Variants in KLRG1 observed in about 807,000 individuals in gnomAD.
The protein encoded by KLRG1 is killer cell lectin like receptor G1, also known as killer cell lectin-like receptor subfamily G member 1.
Under a neutral mutation model 21.8 loss-of-function variants are expected in KLRG1, and 16 were observed. The observed-to-expected ratio is 0.73, with a 90% CI of 0.50 to 1.11. KLRG1 has a LOEUF of 1.11. Ranked by LOEUF, KLRG1 falls within the 50% of genes most tolerant of loss-of-function variation. The pLI, the probability that KLRG1 is intolerant of heterozygous loss-of-function variation, is 0.00. For missense variants in KLRG1, 173 were observed against 218.3 expected (o/e 0.79, Z 1.31); for synonymous variants, 69 against 75.9 (o/e 0.91, Z 0.47).
the KLRG1 span, among the ~76,000 whole-genome samples, chr12:9,088,068 T>C: frequency 6.6e-6 from 1 of 152,074 alleles, no homozygotes; most frequent in East Asian, 1.9e-4. Context: ...CATAGGTAAA[T>C]CTCCAAGACA....
chr12:9,126,937 A>C, the KLRG1 span, among the ~76,000 whole-genome samples: 11 of 152,226 alleles, frequency 7.2e-5, no homozygotes, highest in African/African-American at 2.4e-4. Context: ...ATAACACAAG[A>C]GGGAAAATAC....
the KLRG1 span, among the ~76,000 whole-genome samples, chr12:9,120,456 A>G: frequency 1.3e-5 from 2 of 152,238 alleles, no homozygotes; most frequent in African/African-American, 4.8e-5. Flanking sequence ...TTGGGAAATG[A>G]GAGAAATTAG....
At chr12:9,196,323 A>G in the KLRG1 span, 3 of 1,587,470 alleles carry the variant, frequency 1.9e-6, no homozygotes, top group Non-Finnish European at 2.6e-6. Context: ...ATTACAACAT[A>G]TCTTACCTGT....
At chr12:9,083,287 G>A in the KLRG1 span, among the ~76,000 whole-genome samples, 3 of 151,952 alleles carry the variant, frequency 2.0e-5, no homozygotes, top group African/African-American at 7.3e-5. Context: ...TATAGCTAAT[G>A]TAAATGACGA....
the KLRG1 span, among the ~76,000 whole-genome samples, chr12:9,046,408 A>G: frequency 6.6e-6 from 1 of 152,252 alleles, no homozygotes; most frequent in African/African-American, 2.4e-5. Context: ...GGAAGTTCAG[A>G]GAACACCACA....
chr12:9,121,114 G>A, the KLRG1 span, among the ~76,000 whole-genome samples: 1 of 151,960 alleles, frequency 6.6e-6, no homozygotes, highest in Non-Finnish European at 1.5e-5. This position sits in a 1 kb window ranked among gnomAD's most constrained non-coding sequence, Gnocchi z 4.4. Flanking sequence ...TCAAAGTCCT[G>A]GCCTCACGGG....
At chr12:9,091,171 T>A in the KLRG1 span, 1 of 1,601,722 alleles carries the variant, frequency 6.2e-7, no homozygotes, top group Non-Finnish European at 8.6e-7. Context: ...GATGGCTACC[T>A]TGTATTTAAT....
At chr12:9,047,411 G>C in the KLRG1 span, among the ~76,000 whole-genome samples, 4 of 152,054 alleles carry the variant, frequency 2.6e-5, no homozygotes, top group African/African-American at 9.7e-5. Flanking sequence ...CACTGAAAAT[G>C]TTTTTTTGAA....
intron 1 of KLRG1, among the ~76,000 whole-genome samples, chr12:8,963,419 T>C (rs1946412523): frequency 6.6e-6 from 1 of 152,264 alleles, no homozygotes; most frequent in African/African-American, 2.4e-5. Context: ...TTTGATGTGC[T>C]GCTGGATTCG....
chr12:9,080,320 T>C, the KLRG1 span: 2 of 433,482 alleles, frequency 4.6e-6, no homozygotes, highest in Admixed American at 8.1e-5. Context: ...AACAGTAATA[T>C]ATAAATATCT....
At chr12:9,043,559 A>T in the KLRG1 span, among the ~76,000 whole-genome samples, 2 of 152,230 alleles carry the variant, frequency 1.3e-5, no homozygotes, top group Non-Finnish European at 2.9e-5. Context: ...TGCATTTTGT[A>T]TGTGGGAGAG....
the KLRG1 span, among the ~76,000 whole-genome samples, chr12:9,120,288 A>G: frequency 8.5e-5 from 13 of 152,318 alleles, no homozygotes; most frequent in African/African-American, 1.7e-4. Flanking sequence ...AATTTGAACC[A>G]GTTCTATACA....
chr12:9,111,427 C>A, the KLRG1 span: 2 of 425,876 alleles, frequency 4.7e-6, no homozygotes, highest in Non-Finnish European at 4.7e-6. Flanking sequence ...AGCTGGGAGA[C>A]CACTTTGAAG....
At chr12:9,209,488 T>G in the KLRG1 span, among the ~76,000 whole-genome samples, 1 of 152,110 alleles carries the variant, frequency 6.6e-6, no homozygotes, top group Admixed American at 6.5e-5. Context: ...GTACCTTACA[T>G]GCACCCAACT....
chr12:9,028,452 T>TG, the KLRG1 span, among the ~76,000 whole-genome samples: 1 of 147,010 alleles, frequency 6.8e-6, no homozygotes, highest in Admixed American at 6.8e-5. Context: ...GCCAGGCCTT[T>TG]TTTTTTTTTG....
At chr12:9,187,951 G>A in the KLRG1 span, among the ~76,000 whole-genome samples, 5 of 152,252 alleles carry the variant, frequency 3.3e-5, no homozygotes, top group African/African-American at 1.2e-4. Flanking sequence ...ACCCTGATGG[G>A]GGTGGGGTGG....
At chr12:9,080,223 A>G in the KLRG1 span, 2 of 1,330,542 alleles carry the variant, frequency 1.5e-6, no homozygotes, top group Admixed American at 2.0e-5. Context: ...TTTCTGCATT[A>G]TATCTTTCTA....
chr12:9,087,872 TACCC>T, the KLRG1 span, among the ~76,000 whole-genome samples: 883 of 152,274 alleles, frequency 5.8e-3, 8 homozygotes, highest in African/African-American at 0.02. Context: ...ATTTTGGATC[TACCC>T]TAGCTGTACT....
chr12:9,032,353 T>C, the KLRG1 span, among the ~76,000 whole-genome samples: 1 of 152,178 alleles, frequency 6.6e-6, no homozygotes, highest in Non-Finnish European at 1.5e-5. Flanking sequence ...CAGGAAAAGA[T>C]AGAGACTGAT....
Sources: gnomAD v4.1 joint callset for allele counts (sites outside exome capture counted in the v4.1 genomes callset) on GRCh38, gnomAD v4.1.1 for gene constraint, Gnocchi (gnomAD v3.1) non-coding constraint, MANE v1.5 for transcripts, NCBI Gene and HGNC (gene_info 2026-07-23, HGNC 2026-07-21) for gene names.